The following RYR2 variants were observed in gnomAD, a reference collection of about 807,000 sequenced individuals.
RYR2 encodes the protein cardiac muscle ryanodine receptor-calcium release channel.
Under a neutral mutation model 601.1 loss-of-function variants are expected in RYR2, and 227 were observed. The observed-to-expected ratio is 0.38, with a 90% CI of 0.34 to 0.42. The LOEUF (loss-of-function observed/expected upper bound fraction) is 0.42. Among genes scored for constraint, RYR2 ranks in the 10% least tolerant of loss-of-function variants. RYR2 has a pLI of 1.00. For missense variants in RYR2, 4,646 were observed against 6,156.5 expected (o/e 0.75, Z 8.21); for synonymous variants, 2,223 against 2,175.1 (o/e 1.02, Z -0.61).
In RYR2 at chr1:237,395,886, C is replaced by G. The variant is rs147251925; in HGVS notation, c.773+7703C>G. On this transcript the variant is annotated intron_variant, in intron 10 of 104. Coordinates refer to ENST00000366574, the MANE Select transcript of RYR2 (RefSeq NM_001035.3). ...TTCCCCACACTTTCACTTCCCGCAT[C>G]CCATAGTGCCACTGATCACACGTGT... Among the ~76,000 whole-genome samples the G allele has an allele frequency of 4.9e-3, 748 of 152,254 alleles. 10 individuals carry two copies. Among genetic ancestry groups the G allele is most frequent in the African/African-American group, 0.017 (715 of 41,552 alleles).
In RYR2 at chr1:237,135,145, T is replaced by G. The variant is rs975827409; in HGVS notation, c.48+92576T>G. 5.3e-5 allele frequency among the ~76,000 whole-genome samples: 8 copies of G among 152,326 alleles called. No individual in the cohort carries two copies. The South Asian group carries it at 1.2e-3, about 24-fold the overall frequency. ...CTTTCAATGCCTTATGTAAGGTTAC[T>G]CAGATACATTTCATTTATTTTCAGG... On this transcript the variant is annotated intron_variant, in intron 1 of 104. Transcript: ENST00000366574.
chr1:237,750,836 G>A lies in RYR2; in HGVS notation c.11146-5452G>A, dbSNP rs142419235. Among the ~76,000 whole-genome samples the A allele has an allele frequency of 2.4e-3, 358 of 152,234 alleles. 1 individual carries two copies. Among genetic ancestry groups the A allele is most frequent in the African/African-American group, 8.2e-3 (340 of 41,544 alleles). On this transcript the variant is annotated intron_variant, in intron 80 of 104. Transcript: ENST00000366574. The stretch of plus-strand genomic sequence containing the variant: ...CTGGAAGAATTGAAGAAATACATAT[G>A]TACCACCTTTCCAGATGGTCTCCAG...
At chr1:237,453,842 T>C (rs1487271222) in intron 14 of RYR2, among the ~76,000 whole-genome samples, 1 of 152,184 alleles carries the variant, frequency 6.6e-6, no homozygotes, top group Non-Finnish European at 1.5e-5. Flanking sequence ...TTTGTTAGTA[T>C]AACTTTTAAA....
chr1:237,173,056 T>C (rs1266980052), intron 1 of RYR2, among the ~76,000 whole-genome samples: 3 of 152,178 alleles, frequency 2.0e-5, no homozygotes, highest in Non-Finnish European at 4.4e-5. Flanking sequence ...TTATTATTAT[T>C]ACTAATACTA....
chr1:237,509,763 T>C (rs1452049771), intron 23 of RYR2, among the ~76,000 whole-genome samples: 4 of 152,138 alleles, frequency 2.6e-5, no homozygotes. Context: ...CCCAGGGAAA[T>C]CAGGGAAGGC....
At chr1:237,048,527 T>C (rs1660868621) in intron 1 of RYR2, among the ~76,000 whole-genome samples, 1 of 152,108 alleles carries the variant, frequency 6.6e-6, no homozygotes, top group African/African-American at 2.4e-5. Context: ...CTCACATCCT[T>C]GCATATCCTG....
intron 80 of RYR2, among the ~76,000 whole-genome samples, chr1:237,753,407 G>A (rs1391669914): frequency 6.6e-6 from 1 of 152,036 alleles, no homozygotes; most frequent in Non-Finnish European, 1.5e-5. Flanking sequence ...TAGACAAAAT[G>A]AAATAATATT....
At chr1:237,285,549 A>G (rs563954456) in intron 2 of RYR2, among the ~76,000 whole-genome samples, 3 of 152,280 alleles carry the variant, frequency 2.0e-5, no homozygotes, top group African/African-American at 7.2e-5. Flanking sequence ...AGAATGAATT[A>G]GGGAGGGTTC....
intron 10 of RYR2, among the ~76,000 whole-genome samples, chr1:237,395,533 CTT>C (rs71180022): frequency 9.7e-4 from 85 of 87,410 alleles, no homozygotes; most frequent in African/African-American, 3.5e-3. Flanking sequence ...GTAGGACTGT[CTT>C]TTTTTTTTTT....
chr1:237,777,463 A>G (rs912497040), intron 87 of RYR2, among the ~76,000 whole-genome samples: 3 of 152,180 alleles, frequency 2.0e-5, no homozygotes, highest in African/African-American at 7.2e-5. Flanking sequence ...CTGCAATTTA[A>G]AGGTATTATA....
intron 3 of RYR2, 41 bp downstream of exon 3, chr1:237,331,023 G>A (rs779227103): frequency 6.8e-7 from 1 of 1,471,148 alleles, no homozygotes; most frequent in Admixed American, 1.7e-5. Flanking sequence ...ATTTTAATGA[G>A]CTCAGCTACT....
At chr1:237,364,484 G>GAT (rs914335293) in intron 5 of RYR2, 112 bp downstream of exon 5, 17 of 456,848 alleles carry the variant, frequency 3.7e-5, no homozygotes, top group Admixed American at 1.3e-4. Flanking sequence ...ATATATGACA[G>GAT]ATATATATAT....
intron 39 of RYR2, among the ~76,000 whole-genome samples, chr1:237,624,100 C>A (rs2148650903): frequency 6.6e-6 from 1 of 152,218 alleles, no homozygotes; most frequent in East Asian, 1.9e-4. Context: ...CAGAAGATGA[C>A]CAAAATTCTT....
chr1:237,252,433 A>G (rs1374245696), intron 1 of RYR2, among the ~76,000 whole-genome samples: 1 of 151,876 alleles, frequency 6.6e-6, no homozygotes, highest in East Asian at 1.9e-4. Context: ...TAATATATCC[A>G]CCTTGATCCT....
chr1:237,485,786 T>G (rs1185549786), intron 17 of RYR2, among the ~76,000 whole-genome samples: 1 of 152,180 alleles, frequency 6.6e-6, no homozygotes, highest in African/African-American at 2.4e-5. Flanking sequence ...CGGCAGGAAT[T>G]GAGGCTGCAA....
At chr1:237,740,153 C>T (rs532163632) in intron 79 of RYR2, among the ~76,000 whole-genome samples, 4 of 152,280 alleles carry the variant, frequency 2.6e-5, no homozygotes, top group African/African-American at 9.6e-5. Flanking sequence ...ACGTGGATGC[C>T]ATTTGCTATT....
Position 237,046,199 on chromosome 1 carries a change from A to G in RYR2, c.48+3630A>G, listed in dbSNP as rs368943055. ...TATAGATGCTGGTGTACAACACTGC[A>G]TAGTAGTTTGGATGGGAATACTTAG... On this transcript the variant is annotated intron_variant, in intron 1 of 104. Coordinates refer to ENST00000366574, the MANE Select transcript of RYR2 (RefSeq NM_001035.3). Among the ~76,000 whole-genome samples, 12 of 152,304 alleles carry G rather than the reference A, an allele frequency of 7.9e-5. No individual in the cohort carries two copies. The South Asian group carries it at 8.3e-4, about 11-fold the overall frequency.
chr1:237,658,677 G>A (rs2148834935), intron 54 of RYR2, among the ~76,000 whole-genome samples: 1 of 152,284 alleles, frequency 6.6e-6, no homozygotes, highest in African/African-American at 2.4e-5. Flanking sequence ...TGAGATTACA[G>A]GCATGAGCCA....
intron 2 of RYR2, among the ~76,000 whole-genome samples, chr1:237,312,021 A>G (rs1250327648): frequency 2.0e-5 from 3 of 152,188 alleles, no homozygotes; most frequent in African/African-American, 7.2e-5. Context: ...GAGATGGACT[A>G]TAGAATTGCA....
Sources: gnomAD v4.1 joint callset for allele counts (sites outside exome capture counted in the v4.1 genomes callset) on GRCh38, gnomAD v4.1.1 for gene constraint, MANE v1.5 for transcripts, NCBI Gene and HGNC (gene_info 2026-07-23, HGNC 2026-07-21) for gene names.